Variants in INA observed in about 807,000 individuals in gnomAD.
INA encodes the protein alpha-internexin.
A neutral mutation model predicts 40.1 loss-of-function variants in INA; 35 were observed. The observed-to-expected ratio is 0.87, with a 90% CI of 0.67 to 1.16. The LOEUF (loss-of-function observed/expected upper bound fraction) is 1.16. Among genes scored for constraint, INA ranks in the 50% most tolerant of loss-of-function variants. The pLI is 0.00. For synonymous variants in INA, 290 were observed against 316.9 expected, an observed-to-expected ratio of 0.92 and a Z score of 0.90; for missense variants, 594 against 686.7, an observed-to-expected ratio of 0.87 and a Z score of 1.51.
At chr10:103,288,313 G>A in intron 2 of INA, 47 bp from the exon 3 acceptor site, 1 of 1,506,388 alleles carries the variant, frequency 6.6e-7, no homozygotes, top group Non-Finnish European at 8.9e-7. Context: ...GTTCTGGGGG[G>A]GAAAAGTTAT....
rs1330589178 is a variant in INA at position 103,278,276 on chromosome 10, G to A, written c.1065G>A (p.Gln355=). Residue 355 remains glutamine, a splice_region_variant and synonymous_variant, in exon 1 of 3, where the codon CAG becomes CAA. Coordinates refer to ENST00000369849, the MANE Select transcript of INA (RefSeq NM_032727.4). This position sits in a 1 kb window ranked among gnomAD's most constrained non-coding sequence, Gnocchi z 4.9. ...ERHSAEVAGY[Q]DSIGQLENDL... The stretch of plus-strand genomic sequence containing the variant: ...ACAGTGCCGAGGTAGCTGGCTACCA[G>A]GTAAGGGCCGGGGCTGGGCGTGGGG... 5.2e-6 allele frequency: 8 copies of A among 1,543,664 alleles called. 1 individual carries two copies. In the Admixed American group the frequency reaches 7.9e-5, roughly 15 times the overall value.
In INA at chr10:103,277,444, G is replaced by A. The variant is rs756880231; in HGVS notation, c.233G>A (p.Ser78Asn). ...RPPASDGLDLSQAAARTNEYK... is the reference protein window; with the variant it reads ...RPPASDGLDLNQAAARTNEYK... ...CCGGCGTCCGACGGGCTGGACCTGAGCCAGGCGGCGGCGCGCACCAACGAG... is the reference window on the plus strand; with the variant it reads ...CCGGCGTCCGACGGGCTGGACCTGAACCAGGCGGCGGCGCGCACCAACGAG... The change falls in exon 1 of 3, where the codon AGC becomes AAC. Residue 78 changes from serine (S) to asparagine (N), a missense_variant. Physicochemically the swap from Ser to Asn is conservative, Grantham distance 46 (BLOSUM62 1). Around this residue, in one of 2 missense-constraint regions of INA, gnomAD observed 215 missense variants for 190.6 expected, o/e 1.13. Coordinates refer to ENST00000369849, the MANE Select transcript of INA (RefSeq NM_032727.4). This position sits in a 1 kb window ranked among gnomAD's most constrained non-coding sequence, Gnocchi z 5.6. The A allele has an allele frequency of 2.5e-6, 4 of 1,573,238 alleles. No individual in the cohort carries two copies. Among genetic ancestry groups the A allele is most frequent in the Non-Finnish European group, 3.4e-6 (4 of 1,163,954 alleles).
intron 1 of INA, among the ~76,000 whole-genome samples, chr10:103,285,658 G>A (rs1331289473): frequency 4.7e-5 from 6 of 128,302 alleles, no homozygotes; most frequent in Non-Finnish European, 9.7e-5. Flanking sequence ...CGCTCTTGTT[G>A]CCCAGCTGGA....
At position 103,277,269 on chromosome 10, in the gene INA, G is replaced by C. The variant is rs1428837527; in HGVS notation, c.58G>C (p.Gly20Arg). 1.9e-6 allele frequency: 3 copies of C among 1,594,128 alleles called. No homozygotes were observed. Among genetic ancestry groups the C allele is most frequent in the African/African-American group, 1.4e-5 (1 of 72,140 alleles). The change falls in exon 1 of 3, where the codon GGG becomes CGG. Residue 20 changes from glycine (G) to arginine (R), a missense_variant. Around this residue, in one of 2 missense-constraint regions of INA, gnomAD observed 215 missense variants for 190.6 expected, o/e 1.13. Transcript: ENST00000369849. This position sits in a 1 kb window ranked among gnomAD's most constrained non-coding sequence, Gnocchi z 5.6. ...CTCCTCCTCCTACCGCAAGGTGTTCGGGGATGGCTCTCGCCTGTCCGCCCG... is the reference window on the plus strand; with the variant it reads ...CTCCTCCTCCTACCGCAAGGTGTTCCGGGATGGCTCTCGCCTGTCCGCCCG... ...CSSSSYRKVF[G>R]DGSRLSARLS...
At chr10:103,279,990 T>C (rs1012801066) in intron 1 of INA, 59 of 1,285,600 alleles carry the variant, frequency 4.6e-5, no homozygotes, top group Non-Finnish European at 5.9e-5. Context: ...TAGCCCAGTA[T>C]TTCTACAAAA....
chr10:103,285,582 C>A (rs1290479873), intron 1 of INA, among the ~76,000 whole-genome samples: 1 of 150,896 alleles, frequency 6.6e-6, no homozygotes. Flanking sequence ...AGGCATGAGC[C>A]ATCATGCCTG....
chr10:103,282,586 A>AT (rs1006610442), intron 1 of INA, among the ~76,000 whole-genome samples: 1 of 152,214 alleles, frequency 6.6e-6, no homozygotes, highest in African/African-American at 2.4e-5. Flanking sequence ...AAACAGCCTG[A>AT]TATACCTCGA....
chr10:103,284,689 G>A lies in INA; in HGVS notation c.1066-2346G>A, dbSNP rs192059039. 4.3e-3 allele frequency among the ~76,000 whole-genome samples: 655 copies of A among 152,094 alleles called. 5 individuals carry two copies. Among genetic ancestry groups the A allele is most frequent in the Non-Finnish European group, 6.6e-3 (450 of 67,976 alleles). On this transcript the variant is annotated intron_variant, in intron 1 of 2. Transcript: ENST00000369849. ...GAATTACTTGAACCCAGGTGGTGGA[G>A]GTTGCAGTGAGCTGAGATTGCGCCA...
At position 103,277,779 on chromosome 10, in the gene INA, G is replaced by A. The variant is rs1262757273; in HGVS notation, c.568G>A (p.Glu190Lys). ...CTGCGAGGAGGAGAGCCGCGGACGC[G>A]AAGGCGCCGAGCGCGCCCTGAAGGC... ...ARCEEESRGR[E>K]GAERALKAQQ... is the part of the protein sequence containing the mutation. Residue 190 changes from glutamate (E) to lysine (K), a missense_variant, in exon 1 of 3, where the codon GAA becomes AAA. This residue lies in a region of INA where 379 missense variants were observed against 496.1 expected (regional missense o/e 0.76). Transcript: ENST00000369849. This position sits in a 1 kb window ranked among gnomAD's most constrained non-coding sequence, Gnocchi z 5.6. 1 of 1,497,722 alleles carries A rather than the reference G, an allele frequency of 6.7e-7. No homozygotes were observed. Among genetic ancestry groups the A allele is most frequent in the East Asian group, 2.6e-5 (1 of 38,534 alleles). 92.8% of individuals were successfully genotyped at this position (1,497,722 alleles called of 1,614,324 possible).
At position 103,278,177 on chromosome 10, in the gene INA, C is replaced by T; in HGVS notation, c.966C>T (p.Arg322=). The change falls in exon 1 of 3, where the codon CGC becomes CGT. Residue 322 remains arginine (R), a synonymous_variant. Coordinates refer to ENST00000369849, the MANE Select transcript of INA (RefSeq NM_032727.4). The surrounding 1 kb of genome is among the most constrained non-coding windows in gnomAD (Gnocchi z 4.9). ...AGTATCGGCGCCAGCTGCAGGCGCG[C>T]ACCATCGAGATCGAGGGCCTGCGCG... is the stretch of plus-strand genomic sequence containing the variant. ...IHEYRRQLQA[R]TIEIEGLRGA... 6.2e-7 allele frequency: 1 copy of T among 1,611,194 alleles called. No homozygotes were observed. The highest frequency in any genetic ancestry group is 2.2e-5 in the East Asian group (1 of 44,808).
intron 1 of INA, among the ~76,000 whole-genome samples, chr10:103,281,290 A>G (rs184897383): frequency 6.6e-6 from 1 of 152,202 alleles, no homozygotes; most frequent in East Asian, 1.9e-4. Flanking sequence ...TAGCATCTTT[A>G]TAGAAAAAAA....
At chr10:103,286,408 G>T (rs147419656) in intron 1 of INA, among the ~76,000 whole-genome samples, 1 of 149,474 alleles carries the variant, frequency 6.7e-6, no homozygotes. Context: ...AATATAAAGC[G>T]ATTTCTCTTC....
Position 103,277,207 on chromosome 10 carries a change from G to C in INA, c.-5G>C. ...AGCCGCACGTCCGGCCCCGATCCCG[G>C]CACCATGAGCTTCGGCTCGGAGCAC... On this transcript the variant is annotated 5_prime_UTR_variant, in exon 1 of 3. Coordinates refer to ENST00000369849, the MANE Select transcript of INA (RefSeq NM_032727.4). This position sits in a 1 kb window ranked among gnomAD's most constrained non-coding sequence, Gnocchi z 5.6. The C allele has an allele frequency of 1.3e-6, 2 of 1,572,774 alleles. No individual in the cohort carries two copies. Among genetic ancestry groups the C allele is most frequent in the Non-Finnish European group, 1.7e-6 (2 of 1,163,756 alleles).
intron 1 of INA, 106 bp from the exon 2 acceptor site, chr10:103,286,929 T>C: frequency 8.6e-7 from 1 of 1,168,208 alleles, no homozygotes; most frequent in South Asian, 1.5e-5. Context: ...TATAAGTTCA[T>C]TAGATGATTT....
chr10:103,280,891 T>C, intron 1 of INA: 1 of 985,468 alleles, frequency 1.0e-6, no homozygotes, highest in African/African-American at 1.7e-5. Context: ...GTCCTAGTTC[T>C]GTTAAAGATG....
At chr10:103,283,412 A>C (rs987487622) in intron 1 of INA, among the ~76,000 whole-genome samples, 3 of 152,184 alleles carry the variant, frequency 2.0e-5, no homozygotes, top group African/African-American at 7.2e-5. Context: ...TCTTGGTAAA[A>C]ATCTCTTTAA....
At chr10:103,281,697 C>T (rs2093072785) in intron 1 of INA, among the ~76,000 whole-genome samples, 1 of 152,222 alleles carries the variant, frequency 6.6e-6, no homozygotes, top group Non-Finnish European at 1.5e-5. Flanking sequence ...GACTGTGGGG[C>T]ACTCACTACT....
rs1237408147 is a variant in INA at position 103,277,338 on chromosome 10, C to T, written c.127C>T (p.Leu43=). The change falls in exon 1 of 3, where the codon CTG becomes TTG. Residue 43 remains leucine, a synonymous_variant. Transcript: ENST00000369849. The surrounding 1 kb of genome is among the most constrained non-coding windows in gnomAD (Gnocchi z 5.6). ...CGCGGGCGGCTTCCGCTCGCAGTCG[C>T]TGTCCCGCAGCAATGTGGCCTCCTC... ...GGAGGFRSQS[L]SRSNVASSAA... The T allele has an allele frequency of 6.3e-7, 1 of 1,583,148 alleles. No individual in the cohort carries two copies. The highest frequency in any genetic ancestry group is 8.5e-7 in the Non-Finnish European group (1 of 1,170,578).
In INA at chr10:103,277,965, G is replaced by A. The variant is rs760366266; in HGVS notation, c.754G>A (p.Val252Met). 9.5e-6 allele frequency: 15 copies of A among 1,571,696 alleles called. No homozygotes were observed. In the Admixed American group the frequency reaches 2.8e-4, roughly 30 times the overall value. Residue 252 changes from valine to methionine, a missense_variant, in exon 1 of 3, where the codon GTG becomes ATG. Transcript: ENST00000369849. This position sits in a 1 kb window ranked among gnomAD's most constrained non-coding sequence, Gnocchi z 5.6. The stretch of plus-strand genomic sequence containing the variant: ...GGCGTCGTCGCAGGCCGCGGCCGAG[G>A]TGGACGTGACTGTGGCTAAACCAGA... ...LQASSQAAAE[V>M]DVTVAKPDLT...
Sources: gnomAD v4.1 joint callset for allele counts (sites outside exome capture counted in the v4.1 genomes callset) on GRCh38, gnomAD v4.1.1 for gene constraint, gnomAD v4.1.1 regional missense constraint, Gnocchi (gnomAD v3.1) non-coding constraint, MANE v1.5 for transcripts, NCBI Gene and HGNC (gene_info 2026-07-23, HGNC 2026-07-21) for gene names.